Variants in CTNNA3 observed in about 807,000 individuals in gnomAD.
CTNNA3 encodes catenin alpha 3.
CTNNA3 carries 76 observed loss-of-function variants against 95.7 expected under a neutral mutation model. That is an observed-to-expected ratio of 0.79 (90% CI 0.66 to 0.96). The LOEUF (loss-of-function observed/expected upper bound fraction) is 0.96, where lower values mean the gene tolerates loss of function less well. Ranked by LOEUF, CTNNA3 falls within the 40% of genes least tolerant of loss-of-function variation. The pLI, the probability that CTNNA3 is intolerant of heterozygous loss-of-function variation, is 0.00. For synonymous variants in CTNNA3, 431 were observed against 374.4 expected (o/e 1.15, Z -1.74); for missense variants, 1,191 against 1,089.8 (o/e 1.09, Z -1.31).
chr10:67,373,903 G>A (rs1024550046), intron 5 of CTNNA3, among the ~76,000 whole-genome samples: 6 of 152,140 alleles, frequency 3.9e-5, no homozygotes, highest in African/African-American at 1.4e-4. Context: ...TTATATATCT[G>A]TCTCTCCCCT....
intron 5 of CTNNA3, among the ~76,000 whole-genome samples, chr10:67,411,842 T>G (rs1378905802): frequency 6.6e-6 from 1 of 152,100 alleles, no homozygotes; most frequent in Non-Finnish European, 1.5e-5. Flanking sequence ...CTGGTGATTG[T>G]GCAAAATATT....
In CTNNA3 at chr10:67,475,097, T is replaced by C. The variant is rs1345816735; in HGVS notation, c.579+46745A>G. Among the ~76,000 whole-genome samples the C allele has an allele frequency of 2.0e-5, 3 of 152,024 alleles. No homozygotes were observed. In the East Asian group the frequency reaches 5.8e-4, roughly 29 times the overall value. ...ATATTAAACTATTCAGCCATAAAAATAAATAAACTACTGATACAAACAACT... is the reference window on the plus strand; with the variant it reads ...ATATTAAACTATTCAGCCATAAAAACAAATAAACTACTGATACAAACAACT... On this transcript the variant is annotated intron_variant, in intron 5 of 17. Transcript: ENST00000433211.
At chr10:66,866,655 AG>A (rs1477326743) in intron 7 of CTNNA3, among the ~76,000 whole-genome samples, 4 of 152,230 alleles carry the variant, frequency 2.6e-5, no homozygotes, top group Admixed American at 2.0e-4. Flanking sequence ...TGGTAATTGT[AG>A]GGTATTGGGT....
intron 7 of CTNNA3, among the ~76,000 whole-genome samples, chr10:66,883,743 A>T: frequency 6.6e-6 from 1 of 152,112 alleles, no homozygotes; most frequent in East Asian, 1.9e-4. Flanking sequence ...GGAGTTAAAT[A>T]TTTTAACACA....
intron 13 of CTNNA3, among the ~76,000 whole-genome samples, chr10:66,240,592 AAAAT>A (rs1373788544): frequency 7.9e-5 from 12 of 152,070 alleles, no homozygotes; most frequent in Admixed American, 7.9e-4. Context: ...TTTCTAACAA[AAAAT>A]AAATAAAGTT....
At chr10:66,303,052 C>T (rs992794364) in intron 12 of CTNNA3, among the ~76,000 whole-genome samples, 27 of 152,098 alleles carry the variant, frequency 1.8e-4, no homozygotes, top group African/African-American at 6.3e-4. Flanking sequence ...AAAGGGAACA[C>T]CTTTAATTTG....
chr10:66,903,902 T>C (rs549366016), intron 7 of CTNNA3, among the ~76,000 whole-genome samples: 1 of 152,120 alleles, frequency 6.6e-6, no homozygotes, highest in Non-Finnish European at 1.5e-5. Flanking sequence ...TGGAAGAACA[T>C]TCCATGCTCA....
At chr10:67,265,072 C>T (rs1406568752) in intron 5 of CTNNA3, among the ~76,000 whole-genome samples, 1 of 152,098 alleles carries the variant, frequency 6.6e-6, no homozygotes, top group Non-Finnish European at 1.5e-5. Context: ...AGTTGTGTTC[C>T]CAACCTGGCA....
chr10:67,661,202 T>C (rs1840176497), intron 1 of CTNNA3, among the ~76,000 whole-genome samples: 1 of 149,286 alleles, frequency 6.7e-6, no homozygotes, highest in African/African-American at 2.5e-5. Flanking sequence ...AAAAGTGATG[T>C]ATTCCCAAGG....
chr10:67,675,904 T>A (rs1246117865), intron 1 of CTNNA3, among the ~76,000 whole-genome samples: 3 of 152,178 alleles, frequency 2.0e-5, no homozygotes, highest in African/African-American at 7.2e-5. Context: ...TTTATGGCTA[T>A]GTTTTGGGAG....
chr10:67,213,289 T>C (rs980295543), intron 6 of CTNNA3, among the ~76,000 whole-genome samples: 1 of 151,754 alleles, frequency 6.6e-6, no homozygotes, highest in Non-Finnish European at 1.5e-5. Flanking sequence ...CCTGTAGTTA[T>C]GACTCCTCTT....
chr10:66,665,950 G>A (rs189615217), intron 9 of CTNNA3, among the ~76,000 whole-genome samples: 107 of 152,230 alleles, frequency 7.0e-4, no homozygotes, highest in African/African-American at 2.4e-3. Flanking sequence ...TTGAGCTGGT[G>A]GGGAAGGTTA....
At chr10:67,702,321 A>G (rs1277294873) in intron 1 of CTNNA3, among the ~76,000 whole-genome samples, 1 of 152,200 alleles carries the variant, frequency 6.6e-6, no homozygotes. Flanking sequence ...AACAGAATAT[A>G]CATTTTTTTC....
At chr10:67,744,443 T>C (rs1841361789) in intron 1 of CTNNA3, among the ~76,000 whole-genome samples, 1 of 151,320 alleles carries the variant, frequency 6.6e-6, no homozygotes, top group Non-Finnish European at 1.5e-5. Context: ...GAAAACTGGC[T>C]AGCCATATGT....
chr10:66,650,636 C>T (rs1364382487), intron 9 of CTNNA3, among the ~76,000 whole-genome samples: 1 of 152,008 alleles, frequency 6.6e-6, no homozygotes, highest in Admixed American at 6.6e-5. Flanking sequence ...CAGATGTGTC[C>T]AGAGTTTATT....
intron 7 of CTNNA3, among the ~76,000 whole-genome samples, chr10:67,118,720 T>G (rs1859313597): frequency 6.6e-6 from 1 of 151,932 alleles, no homozygotes; most frequent in South Asian, 2.1e-4. Context: ...AATAAAAATA[T>G]TTGGAGCCTG....
intron 11 of CTNNA3, among the ~76,000 whole-genome samples, chr10:66,409,451 C>T (rs1258405638): frequency 6.6e-6 from 1 of 151,958 alleles, no homozygotes; most frequent in African/African-American, 2.4e-5. Context: ...ACTTGGGAAT[C>T]TTCTTGGTTC....
intron 14 of CTNNA3, among the ~76,000 whole-genome samples, chr10:66,080,412 T>C (rs2080710511): frequency 6.6e-6 from 1 of 152,294 alleles, no homozygotes; most frequent in South Asian, 2.1e-4. Context: ...ATCACTTATA[T>C]ATGTCATTTG....
At chr10:67,362,967 T>C (rs1843048301) in intron 5 of CTNNA3, among the ~76,000 whole-genome samples, 1 of 151,738 alleles carries the variant, frequency 6.6e-6, no homozygotes, top group Non-Finnish European at 1.5e-5. Context: ...CCAATAACAC[T>C]CAAGCTGACA....
Sources: gnomAD v4.1 joint callset for allele counts (sites outside exome capture counted in the v4.1 genomes callset) on GRCh38, gnomAD v4.1.1 for gene constraint, MANE v1.5 for transcripts, NCBI Gene and HGNC (gene_info 2026-07-23, HGNC 2026-07-21) for gene names.